Variants in MARCHF10 observed in about 807,000 individuals in gnomAD.
The protein encoded by MARCHF10 is membrane associated ring-CH-type finger 10.
A neutral mutation model predicts 76.2 loss-of-function variants in MARCHF10; 64 were observed. The ratio of observed to expected loss-of-function variants is 0.84; its 90% CI spans 0.69 to 1.03. The LOEUF (loss-of-function observed/expected upper bound fraction) is 1.03, where lower values mean the gene tolerates loss of function less well. Among genes scored for constraint, MARCHF10 ranks in the 50% least tolerant of loss-of-function variants. The pLI, the probability that MARCHF10 is intolerant of heterozygous loss-of-function variation, is 0.00. For synonymous variants in MARCHF10, 340 were observed against 357.5 expected, an observed-to-expected ratio of 0.95 and a Z score of 0.55; for missense variants, 875 against 958.0, an observed-to-expected ratio of 0.91 and a Z score of 1.14.
rs2089979687 is a variant in MARCHF10 at position 62,712,399 on chromosome 17, G to A, written c.2215-1055C>T. On this transcript the variant is annotated intron_variant, in intron 8 of 10. Coordinates refer to ENST00000311269, the MANE Select transcript of MARCHF10 (RefSeq NM_152598.4). The surrounding 1 kb of genome is among the most constrained non-coding windows in gnomAD (Gnocchi z 4.2). ...CTGCCTTCTTCCTGCAGCAGCGCGG[G>A]TGCCACATCTTCCTGTTCTCATTAG... 6.6e-6 allele frequency among the ~76,000 whole-genome samples: 1 copy of A among 152,234 alleles called. No homozygotes were observed. Among genetic ancestry groups the A allele is most frequent in the South Asian group, 2.1e-4 (1 of 4,830 alleles).
intron 3 of MARCHF10, among the ~76,000 whole-genome samples, chr17:62,769,694 G>A (rs540468648): frequency 6.6e-6 from 1 of 152,266 alleles, no homozygotes; most frequent in Non-Finnish European, 1.5e-5. Flanking sequence ...GATTGTAGGC[G>A]TCAGCCACCA....
chr17:62,797,083 A>G (rs2092998053), intron 2 of MARCHF10, among the ~76,000 whole-genome samples: 2 of 152,224 alleles, frequency 1.3e-5, no homozygotes, highest in African/African-American at 4.8e-5. Flanking sequence ...GGAAGCATGA[A>G]AAGAGTGCTG....
chr17:62,746,255 C>T (rs2091698917), intron 4 of MARCHF10, among the ~76,000 whole-genome samples: 1 of 152,140 alleles, frequency 6.6e-6, no homozygotes, highest in Non-Finnish European at 1.5e-5. Context: ...CCGCAGGGAA[C>T]TTACTAGAAG....
intron 7 of MARCHF10, among the ~76,000 whole-genome samples, chr17:62,723,932 A>C (rs1240926028): frequency 6.6e-6 from 1 of 152,148 alleles, no homozygotes; most frequent in Non-Finnish European, 1.5e-5. Context: ...ACACAGTAAT[A>C]TGATTACCCC....
At chr17:62,762,263 A>G (rs1029927949) in intron 3 of MARCHF10, among the ~76,000 whole-genome samples, 2 of 152,190 alleles carry the variant, frequency 1.3e-5, no homozygotes, top group Non-Finnish European at 2.9e-5. Flanking sequence ...CAATTAAATC[A>G]TCCTGTTACC....
At chr17:62,752,350 G>A (rs2091921339) in intron 4 of MARCHF10, among the ~76,000 whole-genome samples, 1 of 152,122 alleles carries the variant, frequency 6.6e-6, no homozygotes, top group Non-Finnish European at 1.5e-5. Context: ...GGGAGGAAGG[G>A]GAGTGCTCTG....
chr17:62,775,946 A>G (rs2148038928), intron 3 of MARCHF10, among the ~76,000 whole-genome samples: 1 of 152,046 alleles, frequency 6.6e-6, no homozygotes, highest in East Asian at 1.9e-4. Context: ...CCTTCCAAGT[A>G]GCGGGAATTA....
At chr17:62,705,170 G>C in intron 10 of MARCHF10, 1 of 1,193,384 alleles carries the variant, frequency 8.4e-7, no homozygotes, top group Non-Finnish European at 1.0e-6. Flanking sequence ...GCTTGGGGAG[G>C]GTTTTCCTAG....
chr17:62,760,209 T>C (rs922441823), intron 3 of MARCHF10, among the ~76,000 whole-genome samples: 4 of 152,228 alleles, frequency 2.6e-5, no homozygotes, highest in Non-Finnish European at 5.9e-5. Context: ...TTAGTGAGTC[T>C]GTTTTGTAGA....
At chr17:62,721,257 CTTG>C (rs952747361) in intron 8 of MARCHF10, among the ~76,000 whole-genome samples, 7 of 152,112 alleles carry the variant, frequency 4.6e-5, no homozygotes, top group African/African-American at 1.4e-4. Context: ...AAGCTTTTTA[CTTG>C]TTGTTAAAAC....
At chr17:62,758,562 A>G (rs1040545077) in intron 4 of MARCHF10, among the ~76,000 whole-genome samples, 1 of 152,214 alleles carries the variant, frequency 6.6e-6, no homozygotes, top group African/African-American at 2.4e-5. Flanking sequence ...ATTAACTGTG[A>G]TGATACTTTC....
intron 1 of MARCHF10, chr17:62,806,348 G>A (rs2093163799): frequency 1.3e-5 from 2 of 152,228 alleles, no homozygotes; most frequent in South Asian, 4.1e-4. Context: ...CAAACACAGA[G>A]GGTTGGGGTG....
At chr17:62,758,383 A>C (rs2092106212) in intron 4 of MARCHF10, among the ~76,000 whole-genome samples, 1 of 152,164 alleles carries the variant, frequency 6.6e-6, no homozygotes, top group African/African-American at 2.4e-5. Context: ...ACAACAACAA[A>C]AAACAAAAAA....
chr17:62,714,752 TCTC>T lies in MARCHF10; in HGVS notation c.2215-3411_2215-3409del, dbSNP rs573032820. 4.6e-5 allele frequency among the ~76,000 whole-genome samples: 7 copies of T among 151,990 alleles called. No homozygotes were observed. The South Asian group carries it at 8.3e-4, about 18-fold the overall frequency. On this transcript the variant is annotated intron_variant, in intron 8 of 10. Transcript: ENST00000311269. ...CAGTCCCGTCCCCTCCCCTCCCCCT[TCTC>T]CTCTTTTTTTGAGACAGTCTCACTC...
At chr17:62,719,669 T>C (rs1008887267) in intron 8 of MARCHF10, among the ~76,000 whole-genome samples, 2 of 152,180 alleles carry the variant, frequency 1.3e-5, no homozygotes, top group African/African-American at 4.8e-5. Flanking sequence ...TGTTCGGTGT[T>C]CTCTGAGCTT....
At chr17:62,724,203 G>C (rs1319305180) in intron 7 of MARCHF10, among the ~76,000 whole-genome samples, 1 of 88,360 alleles carries the variant, frequency 1.1e-5, no homozygotes, top group Admixed American at 1.1e-4. Flanking sequence ...TTTTTTTTTT[G>C]CTTAAAGTTG....
At chr17:62,758,273 G>A (rs1014646165) in intron 4 of MARCHF10, among the ~76,000 whole-genome samples, 13 of 151,948 alleles carry the variant, frequency 8.6e-5, no homozygotes, top group Admixed American at 5.2e-4. Flanking sequence ...CGCTTGAACC[G>A]GGGAGGCGGA....
At chr17:62,708,792 A>C (rs2089748020) in intron 9 of MARCHF10, among the ~76,000 whole-genome samples, 2 of 152,208 alleles carry the variant, frequency 1.3e-5, no homozygotes, top group African/African-American at 2.4e-5. Context: ...GTCAGCAGTC[A>C]GATGTGACTC....
chr17:62,702,975 G>C (rs552041329), intron 10 of MARCHF10, among the ~76,000 whole-genome samples: 1 of 152,304 alleles, frequency 6.6e-6, no homozygotes, highest in African/African-American at 2.4e-5. Flanking sequence ...ATATCTGCAG[G>C]AGGTATTGCC....
Sources: allele counts gnomAD v4.1 joint callset (sites outside exome capture counted in the v4.1 genomes callset), GRCh38; gene constraint gnomAD v4.1.1; non-coding constraint Gnocchi (gnomAD v3.1); transcripts MANE v1.5; gene names NCBI Gene and HGNC (gene_info 2026-07-23, HGNC 2026-07-21).